STAG1: variants seen among roughly 807,000 people sequenced by gnomAD.
STAG1 encodes the protein STAG1 cohesin complex component.
Under a neutral mutation model 170.9 loss-of-function variants are expected in STAG1, and 26 were observed. The observed-to-expected ratio is 0.15, with a 90% CI of 0.11 to 0.21. STAG1 has a LOEUF of 0.21. Ranked by LOEUF, STAG1 falls within the 10% of genes least tolerant of loss-of-function variation. STAG1 has a pLI of 1.00. For missense variants in STAG1, 964 were observed against 1,509.5 expected, an observed-to-expected ratio of 0.64 and a Z score of 5.99; for synonymous variants, 514 against 497.7, an observed-to-expected ratio of 1.03 and a Z score of -0.44.
intron 1 of STAG1, among the ~76,000 whole-genome samples, chr3:136,747,606 G>A (rs1258943719): frequency 3.3e-5 from 5 of 151,962 alleles, no homozygotes; most frequent in African/African-American, 1.2e-4. Flanking sequence ...GCCTGGGGAG[G>A]TTGAGGCTGC....
chr3:136,692,269 G>A (rs547060243), intron 1 of STAG1, among the ~76,000 whole-genome samples: 7 of 127,090 alleles, frequency 5.5e-5, no homozygotes, highest in East Asian at 2.3e-4. Flanking sequence ...AGCCAAGATC[G>A]CACCATTGCA....
rs150795750 is a variant in STAG1, at chr3:136,563,536, A to ACT, written c.394+5227_394+5228dup. 8.8e-3 allele frequency among the ~76,000 whole-genome samples: 1,207 copies of ACT among 136,566 alleles called. 16 individuals carry two copies. Among genetic ancestry groups the ACT allele is most frequent in the African/African-American group, 0.03 (1,037 of 34,510 alleles). The allele number at this position is 136,566 out of a possible 152,430, so 89.6% of individuals were successfully genotyped here. ...CACACACACACGCACGCACGCACAA[A>ACT]CTCTCTCTCTCTCTCTCTCGCTCTT... On this transcript the variant is annotated intron_variant, in intron 5 of 33. Transcript: ENST00000383202.
intron 7 of STAG1, chr3:136,518,415 C>T (rs1459204735): frequency 2.9e-6 from 2 of 699,690 alleles, no homozygotes; most frequent in Non-Finnish European, 5.2e-6. Flanking sequence ...CAAGACTTGT[C>T]CTGCAAAGTG....
At chr3:136,468,281 G>C (rs1052940541) in intron 12 of STAG1, among the ~76,000 whole-genome samples, 1 of 151,964 alleles carries the variant, frequency 6.6e-6, no homozygotes, top group Non-Finnish European at 1.5e-5. Context: ...AAGAAGAAAA[G>C]AGAGAAGAAT....
At chr3:136,539,073 G>A (rs1451372964) in intron 6 of STAG1, among the ~76,000 whole-genome samples, 1 of 151,678 alleles carries the variant, frequency 6.6e-6, no homozygotes, top group Non-Finnish European at 1.5e-5. Flanking sequence ...GGCCGAGCTT[G>A]CAGTGAGCCG....
chr3:136,655,066 C>T (rs1454973202), intron 1 of STAG1, among the ~76,000 whole-genome samples: 2 of 152,140 alleles, frequency 1.3e-5, no homozygotes, highest in South Asian at 2.1e-4. Flanking sequence ...AAAACTTTCA[C>T]AGCATTAGGT....
At chr3:136,526,469 T>C (rs967214224) in intron 6 of STAG1, among the ~76,000 whole-genome samples, 2 of 152,220 alleles carry the variant, frequency 1.3e-5, no homozygotes, top group Non-Finnish European at 2.9e-5. Flanking sequence ...TCCATCCCTT[T>C]ATTTTGAGCC....
intron 7 of STAG1, among the ~76,000 whole-genome samples, chr3:136,520,268 G>A (rs987785250): frequency 1.3e-5 from 2 of 152,170 alleles, no homozygotes; most frequent in South Asian, 4.1e-4. Flanking sequence ...GGTGATTCTG[G>A]TGTGTGCTAA....
At chr3:136,454,216 T>A (rs2089035846) in intron 13 of STAG1, among the ~76,000 whole-genome samples, 2 of 152,202 alleles carry the variant, frequency 1.3e-5, no homozygotes, top group South Asian at 4.2e-4. Context: ...GTTGCTGGGA[T>A]TACAGGTGCC....
At chr3:136,717,420 T>C (rs1245027467) in intron 1 of STAG1, among the ~76,000 whole-genome samples, 1 of 152,132 alleles carries the variant, frequency 6.6e-6, no homozygotes, top group Non-Finnish European at 1.5e-5. Flanking sequence ...TCCCAGCACT[T>C]TGGGAGGTCG....
intron 12 of STAG1, among the ~76,000 whole-genome samples, chr3:136,465,859 A>G (rs1052454041): frequency 4.6e-5 from 7 of 152,092 alleles, no homozygotes; most frequent in African/African-American, 1.2e-4. Flanking sequence ...AAAAAATTAA[A>G]CCCTATAAGA....
At chr3:136,436,440 C>T (rs748592581) in intron 15 of STAG1, among the ~76,000 whole-genome samples, 4 of 152,090 alleles carry the variant, frequency 2.6e-5, no homozygotes, top group Non-Finnish European at 4.4e-5. Context: ...TACCACCACG[C>T]CCAGCTAATT....
At chr3:136,595,412 C>T (rs975932966) in intron 4 of STAG1, among the ~76,000 whole-genome samples, 2 of 152,096 alleles carry the variant, frequency 1.3e-5, no homozygotes, top group African/African-American at 2.4e-5. Flanking sequence ...ACTTCCTCTC[C>T]ATTCTCACTG....
intron 8 of STAG1, 92 bp from the exon 9 acceptor site, chr3:136,500,388 T>C (rs1170872808): frequency 4.6e-6 from 4 of 873,408 alleles, no homozygotes; most frequent in Non-Finnish European, 5.3e-6. Context: ...TTATTTTCAT[T>C]CTGGGTAGTT....
intron 1 of STAG1, among the ~76,000 whole-genome samples, chr3:136,681,695 A>G (rs1238429185): frequency 1.3e-5 from 2 of 152,184 alleles, no homozygotes; most frequent in African/African-American, 4.8e-5. Context: ...TATAAACCAT[A>G]ACCAAATGAC....
At chr3:136,564,981 G>T (rs555578865) in intron 5 of STAG1, among the ~76,000 whole-genome samples, 1 of 78,220 alleles carries the variant, frequency 1.3e-5, no homozygotes. Context: ...AAGGAAGGAA[G>T]GAAGGAAGGA....
chr3:136,633,024 G>T (rs71336069), intron 1 of STAG1, among the ~76,000 whole-genome samples: 1 of 151,690 alleles, frequency 6.6e-6, no homozygotes, highest in Non-Finnish European at 1.5e-5. Flanking sequence ...GGGAGGGCGG[G>T]GAATCACTAA....
Position 136,343,954 on chromosome 3 carries a change from A to G in STAG1, c.3324T>C (p.Thr1108=). 1 of 1,611,562 alleles carries G rather than the reference A, an allele frequency of 6.2e-7. No individual in the cohort carries two copies. Among genetic ancestry groups the G allele is most frequent in the Non-Finnish European group, 8.5e-7 (1 of 1,179,110 alleles). Residue 1108 remains threonine, a synonymous_variant, in exon 30 of 34, where the codon ACT becomes ACC. Transcript: ENST00000383202. ...GTTGTGGTGCTGGCAGGGGGCCAGG[A>G]GTCTGAATCATGGTGTCAGTCCTGT... is the stretch of plus-strand genomic sequence containing the variant. ...WLNRTDTMIQ[T]PGPLPAPQLT...
chr3:136,582,139 A>G (rs1159333508), intron 4 of STAG1, among the ~76,000 whole-genome samples: 1 of 151,028 alleles, frequency 6.6e-6, no homozygotes, highest in Non-Finnish European at 1.5e-5. Flanking sequence ...AGTGGATACA[A>G]AAAGTGCTTA....
Sources: gnomAD v4.1 joint callset for allele counts (sites outside exome capture counted in the v4.1 genomes callset) on GRCh38, gnomAD v4.1.1 for gene constraint, MANE v1.5 for transcripts, NCBI Gene and HGNC (gene_info 2026-07-23, HGNC 2026-07-21) for gene names.